The following ADAM32 variants were observed in gnomAD, a reference collection of about 807,000 sequenced individuals.
The protein encoded by ADAM32 is ADAM metallopeptidase domain 32, also known as disintegrin and metalloproteinase domain-containing protein 32.
Under a neutral mutation model 114.9 loss-of-function variants are expected in ADAM32, and 89 were observed. The observed-to-expected ratio is 0.77, with a 90% CI of 0.65 to 0.92. The LOEUF (loss-of-function observed/expected upper bound fraction) is 0.92. Among genes scored for constraint, ADAM32 ranks in the 40% least tolerant of loss-of-function variants. The pLI is 0.00. For missense variants in ADAM32, 870 were observed against 932.8 expected (o/e 0.93, Z 0.88); for synonymous variants, 285 against 307.5 (o/e 0.93, Z 0.77).
At chr8:39,157,787 C>T (rs777086145) in intron 6 of ADAM32, 6 of 1,335,614 alleles carry the variant, frequency 4.5e-6, no homozygotes, top group Non-Finnish European at 6.3e-6. Flanking sequence ...TGGACAAAGC[C>T]ACCCAGAGGG....
chr8:39,130,007 T>G (rs574711834), intron 2 of ADAM32: 16 of 326,216 alleles, frequency 4.9e-5, no homozygotes, highest in African/African-American at 3.5e-4. Context: ...CAGGTTGGAG[T>G]GCAGTGGCAC....
intron 19 of ADAM32, among the ~76,000 whole-genome samples, chr8:39,265,787 T>C (rs1176884072): frequency 1.3e-5 from 2 of 152,222 alleles, no homozygotes; most frequent in Non-Finnish European, 2.9e-5. Context: ...TATGATTTTG[T>C]GGTGGCAGGT....
intron 16 of ADAM32, among the ~76,000 whole-genome samples, chr8:39,244,695 T>G (rs1009974167): frequency 6.6e-6 from 1 of 152,066 alleles, no homozygotes; most frequent in Non-Finnish European, 1.5e-5. Context: ...CACCGGGGCC[T>G]GTTGTGGGGT....
Position 39,170,014 on chromosome 8 carries a change from T to A in ADAM32, c.915+17T>A. 1 of 1,519,950 alleles carries A rather than the reference T, an allele frequency of 6.6e-7. No homozygotes were observed. The highest frequency in any genetic ancestry group is 1.4e-5 in the African/African-American group (1 of 72,720). 94.2% of individuals were successfully genotyped at this position (1,519,950 alleles called of 1,614,324 possible). On this transcript the variant is annotated intron_variant, in intron 10 of 24. Coordinates refer to ENST00000379907, the MANE Select transcript of ADAM32 (RefSeq NM_145004.7). ...GTTGCATTGGTATGTAACTATTTAATCTTATTTTTTAAATTAACACGTTTA... is the reference window on the plus strand; with the variant it reads ...GTTGCATTGGTATGTAACTATTTAAACTTATTTTTTAAATTAACACGTTTA...
chr8:39,218,599 C>T (rs964625779), intron 12 of ADAM32, among the ~76,000 whole-genome samples: 6 of 152,160 alleles, frequency 3.9e-5, no homozygotes, highest in African/African-American at 1.2e-4. Context: ...CCTTCCTACT[C>T]TTACTTTTTT....
intron 6 of ADAM32, among the ~76,000 whole-genome samples, chr8:39,154,928 T>C (rs1446593511): frequency 6.6e-6 from 1 of 152,128 alleles, no homozygotes. Flanking sequence ...TTGTAGATTC[T>C]GGATATTAGT....
intron 4 of ADAM32, among the ~76,000 whole-genome samples, chr8:39,147,775 A>T (rs1803588966): frequency 6.6e-6 from 1 of 151,284 alleles, no homozygotes; most frequent in Admixed American, 6.6e-5. Flanking sequence ...TTATCCCTTT[A>T]TTTTATTCAT....
intron 12 of ADAM32, among the ~76,000 whole-genome samples, chr8:39,219,291 C>A (rs1475272925): frequency 1.3e-5 from 2 of 152,116 alleles, no homozygotes; most frequent in Non-Finnish European, 2.9e-5. Context: ...CTTGCCCCTG[C>A]AGTCTGGCTT....
intron 19 of ADAM32, among the ~76,000 whole-genome samples, chr8:39,257,745 TC>T (rs1811744266): frequency 6.6e-6 from 1 of 152,160 alleles, no homozygotes; most frequent in African/African-American, 2.4e-5. Flanking sequence ...TTAAAAATAT[TC>T]TTTGGGTTAA....
intron 2 of ADAM32, among the ~76,000 whole-genome samples, chr8:39,123,309 A>T (rs2129444513): frequency 6.6e-6 from 1 of 152,290 alleles, no homozygotes. Flanking sequence ...CATCTTTTCC[A>T]AAATTGCTTT....
At chr8:39,107,938 C>A in intron 1 of ADAM32, 105 bp downstream of exon 1, 1 of 1,381,872 alleles carries the variant, frequency 7.2e-7, no homozygotes. Context: ...TTGGTCCTGT[C>A]ACCCTGGCAA....
intron 14 of ADAM32, among the ~76,000 whole-genome samples, chr8:39,231,398 G>A (rs1228326613): frequency 1.1e-4 from 16 of 151,972 alleles, no homozygotes; most frequent in Non-Finnish European, 1.8e-4. Flanking sequence ...AGATGACACT[G>A]CAGCCCCAGC....
chr8:39,151,499 G>A lies in ADAM32; in HGVS notation c.476G>A (p.Arg159Lys). The A allele has an allele frequency of 1.9e-6, 3 of 1,597,882 alleles. No individual in the cohort carries two copies. Among genetic ancestry groups the A allele is most frequent in the Non-Finnish European group, 2.6e-6 (3 of 1,174,944 alleles). The change falls in exon 6 of 25, where the codon AGA (arginine) becomes AAA (lysine). Residue 159 changes from arginine (R) to lysine (K), a missense_variant. Coordinates refer to ENST00000379907, the MANE Select transcript of ADAM32 (RefSeq NM_145004.7). ...EDNDIAIFID[R>K]SLKEQPMDDN... The stretch of plus-strand genomic sequence containing the variant: ...AATGATATTGCAATTTTTATTGACA[G>A]AAGCCTGAAAGAACAACCAATGGAT...
At chr8:39,263,647 A>C (rs998074975) in intron 19 of ADAM32, among the ~76,000 whole-genome samples, 7 of 152,198 alleles carry the variant, frequency 4.6e-5, no homozygotes, top group African/African-American at 1.4e-4. Flanking sequence ...AAATATATAC[A>C]CATACCACTA....
chr8:39,148,279 C>T (rs1367314005), intron 4 of ADAM32, among the ~76,000 whole-genome samples: 1 of 152,058 alleles, frequency 6.6e-6, no homozygotes, highest in Non-Finnish European at 1.5e-5. Context: ...CATTGTTGTT[C>T]TTCAAATATA....
intron 7 of ADAM32, among the ~76,000 whole-genome samples, chr8:39,162,367 T>A (rs1804568621): frequency 6.6e-6 from 1 of 152,048 alleles, no homozygotes; most frequent in South Asian, 2.1e-4. Flanking sequence ...TGCATAGTAT[T>A]CCATGGTGTA....
In ADAM32 at chr8:39,211,236, A is replaced by G. The variant is rs1808191666; in HGVS notation, c.1145A>G (p.Lys382Arg). The change falls in exon 12 of 25, where the codon AAG (lysine) becomes AGG (arginine). Residue 382 changes from lysine to arginine, a missense_variant. Physicochemically the swap from Lys to Arg is conservative, Grantham distance 26. Transcript: ENST00000379907. ...SNVGVKCLQN[K>R]PQMQKKSPKP... ...GTGGGTGTCAAATGTCTTCAGAATAAGCCACAAATGCAAAAAAAATCTCCG... is the reference window on the plus strand; with the variant it reads ...GTGGGTGTCAAATGTCTTCAGAATAGGCCACAAATGCAAAAAAAATCTCCG... 2 of 1,607,656 alleles carry G rather than the reference A, an allele frequency of 1.2e-6. No homozygotes were observed. The highest frequency in any genetic ancestry group is 2.7e-5 in the African/African-American group (2 of 74,668).
At chr8:39,165,296 C>A in intron 9 of ADAM32, 100 bp downstream of exon 9, 1 of 952,314 alleles carries the variant, frequency 1.1e-6, no homozygotes, top group Non-Finnish European at 1.5e-6. Context: ...AATATCCATG[C>A]TTTGATTATT....
chr8:39,197,821 G>A (rs1164761211), intron 11 of ADAM32, among the ~76,000 whole-genome samples: 1 of 152,112 alleles, frequency 6.6e-6, no homozygotes, highest in Non-Finnish European at 1.5e-5. Context: ...ATATATATCT[G>A]TTAGGTTTAT....
Sources: gnomAD v4.1 joint callset for allele counts (sites outside exome capture counted in the v4.1 genomes callset) on GRCh38, gnomAD v4.1.1 for gene constraint, MANE v1.5 for transcripts, NCBI Gene and HGNC (gene_info 2026-07-23, HGNC 2026-07-21) for gene names.